Variants in KDM4C observed in about 807,000 individuals in gnomAD.
KDM4C encodes lysine-specific demethylase 4C.
In KDM4C, 81 loss-of-function variants were observed where a neutral mutation model predicts 129.3. The ratio of observed to expected loss-of-function variants is 0.63; its 90% CI spans 0.52 to 0.75. The LOEUF is 0.75. KDM4C is among the 30% of genes least tolerant of loss of function. The pLI is 0.00. For missense variants in KDM4C, 1,457 were observed against 1,304.0 expected (o/e 1.12, Z -1.81); for synonymous variants, 573 against 456.1 (o/e 1.26, Z -3.26).
At chr9:6,800,899 A>G (rs1166162365) in intron 2 of KDM4C, among the ~76,000 whole-genome samples, 1 of 152,220 alleles carries the variant, frequency 6.6e-6, no homozygotes, top group Non-Finnish European at 1.5e-5. Flanking sequence ...AAGTGTTGGG[A>G]TTACAGGCGT....
chr9:6,821,118 C>T (rs950260815), intron 4 of KDM4C, among the ~76,000 whole-genome samples: 2 of 152,114 alleles, frequency 1.3e-5, no homozygotes, highest in Admixed American at 6.5e-5. Context: ...TCCAGTCTAT[C>T]ATTGATGGAC....
At chr9:6,945,088 C>T (rs1826703697) in intron 8 of KDM4C, among the ~76,000 whole-genome samples, 1 of 152,166 alleles carries the variant, frequency 6.6e-6, no homozygotes, top group Admixed American at 6.5e-5. Flanking sequence ...TTGCTCTACA[C>T]AGCCACAGAC....
rs934679766 is a variant in KDM4C at position 6,758,052 on chromosome 9, G to T, written c.-169G>T. On this transcript the variant is annotated 5_prime_UTR_variant, in exon 1 of 22. Transcript: ENST00000381309. This position sits in a 1 kb window ranked among gnomAD's most constrained non-coding sequence, Gnocchi z 4.6. ...GAGGGTGAGGCGCGGCGCAGTGATC[G>T]GGCGGCCGGGGTCCTGTGCGCGTGC... The T allele has an allele frequency of 5.1e-6, 5 of 985,352 alleles. No individual in the cohort carries two copies. Among genetic ancestry groups the T allele is most frequent in the African/African-American group, 1.7e-5 (1 of 57,244 alleles). 61.0% of individuals were successfully genotyped at this position (985,352 alleles called of 1,614,324 possible).
intron 15 of KDM4C, among the ~76,000 whole-genome samples, chr9:7,044,631 G>A (rs1457513298): frequency 2.0e-5 from 3 of 151,958 alleles, no homozygotes; most frequent in Non-Finnish European, 4.4e-5. Flanking sequence ...ATGGAAAACA[G>A]TCGGGGAGTA....
intron 4 of KDM4C, chr9:6,835,056 C>A: frequency 1.0e-6 from 1 of 959,500 alleles, no homozygotes; most frequent in Non-Finnish European, 1.7e-6. Flanking sequence ...GCTTCACCAC[C>A]ACGGCTGAGT....
intron 2 of KDM4C, among the ~76,000 whole-genome samples, chr9:6,802,476 T>C (rs1417274712): frequency 6.6e-6 from 1 of 152,198 alleles, no homozygotes; most frequent in African/African-American, 2.4e-5. Flanking sequence ...AAAATATTAA[T>C]AGCATTATTT....
At chr9:6,901,881 C>T (rs966357985) in intron 8 of KDM4C, among the ~76,000 whole-genome samples, 1 of 152,184 alleles carries the variant, frequency 6.6e-6, no homozygotes, top group Non-Finnish European at 1.5e-5. Flanking sequence ...GTGGCGCTTA[C>T]AGACTTCAGT....
At chr9:6,985,512 C>G (rs1302261806) in intron 10 of KDM4C, among the ~76,000 whole-genome samples, 1 of 152,174 alleles carries the variant, frequency 6.6e-6, no homozygotes, top group East Asian at 1.9e-4. Flanking sequence ...CAAGGAAGGA[C>G]TTCAAACACA....
chr9:6,929,471 C>CTTTTTTTTTTTTTTTTTTTT (rs59537472), intron 8 of KDM4C, among the ~76,000 whole-genome samples: 1 of 127,528 alleles, frequency 7.8e-6, no homozygotes, highest in Non-Finnish European at 1.7e-5. Flanking sequence ...TTGACTTTTT[C>CTTTTTTTTTTTTTTTTTTTT]TTTTTTTTTT....
intron 8 of KDM4C, among the ~76,000 whole-genome samples, chr9:6,935,641 T>C (rs1345920251): frequency 1.3e-5 from 2 of 151,984 alleles, no homozygotes; most frequent in East Asian, 3.9e-4. Flanking sequence ...TAATTTCTCA[T>C]TGTAATATTT....
chr9:6,974,122 A>G (rs540424572), intron 8 of KDM4C, among the ~76,000 whole-genome samples: 55 of 152,288 alleles, frequency 3.6e-4, no homozygotes, highest in African/African-American at 1.3e-3. Flanking sequence ...GTCAGTTAGC[A>G]TTTTTGTGCC....
chr9:6,766,505 C>G (rs1820654165), intron 1 of KDM4C, among the ~76,000 whole-genome samples: 3 of 151,822 alleles, frequency 2.0e-5, no homozygotes, highest in Admixed American at 1.3e-4. Context: ...AGTTCATAGT[C>G]CTGCTTCCAT....
chr9:6,962,762 A>G (rs913322611), intron 8 of KDM4C, among the ~76,000 whole-genome samples: 1 of 152,198 alleles, frequency 6.6e-6, no homozygotes, highest in Non-Finnish European at 1.5e-5. Flanking sequence ...ACTTAAATGC[A>G]TTTAGGTAAC....
intron 16 of KDM4C, 31 bp from the exon 17 acceptor site, chr9:7,049,061 T>C (rs757164211): frequency 1.3e-6 from 2 of 1,492,550 alleles, no homozygotes; most frequent in South Asian, 2.3e-5. Flanking sequence ...TAGGGAACTT[T>C]TGTTTATGTT....
intron 3 of KDM4C, among the ~76,000 whole-genome samples, chr9:6,810,656 G>C (rs938151436): frequency 5.3e-5 from 8 of 152,116 alleles, no homozygotes; most frequent in Non-Finnish European, 1.0e-4. Flanking sequence ...AGAATTGCTT[G>C]AGCCAGGAGT....
upstream of KDM4C, among the ~76,000 whole-genome samples, chr9:6,756,769 A>C (rs1818316352): frequency 6.6e-6 from 1 of 152,224 alleles, no homozygotes; most frequent in South Asian, 2.1e-4. Flanking sequence ...ACAACTAAAG[A>C]AATATGGTGA....
At chr9:7,094,365 A>G (rs1343961812) in intron 17 of KDM4C, among the ~76,000 whole-genome samples, 1 of 152,080 alleles carries the variant, frequency 6.6e-6, no homozygotes, top group Non-Finnish European at 1.5e-5. Context: ...TTATTATTAT[A>G]CTTTAAGTTT....
chr9:6,996,616 T>C (rs367963785), intron 12 of KDM4C, among the ~76,000 whole-genome samples: 1 of 152,194 alleles, frequency 6.6e-6, no homozygotes, highest in Non-Finnish European at 1.5e-5. Context: ...GCCGTGCTAG[T>C]GTACAGAGGA....
chr9:6,939,440 C>G (rs1209313829), intron 8 of KDM4C, among the ~76,000 whole-genome samples: 1 of 152,054 alleles, frequency 6.6e-6, no homozygotes, highest in African/African-American at 2.4e-5. Context: ...TTATATATTA[C>G]AGTGTAATAA....
Sources: allele counts gnomAD v4.1 joint callset (sites outside exome capture counted in the v4.1 genomes callset), GRCh38; gene constraint gnomAD v4.1.1; non-coding constraint Gnocchi (gnomAD v3.1); transcripts MANE v1.5; gene names NCBI Gene and HGNC (gene_info 2026-07-23, HGNC 2026-07-21).